The following NOS1 variants were observed in gnomAD, a reference collection of about 807,000 sequenced individuals.
NOS1 encodes the protein nitric oxide synthase 1.
Under a neutral mutation model 164.5 loss-of-function variants are expected in NOS1, and 51 were observed. That is an observed-to-expected ratio of 0.31 (90% CI 0.25 to 0.39). NOS1 has a LOEUF of 0.39. Among genes scored for constraint, NOS1 ranks in the 10% least tolerant of loss-of-function variants. The pLI is 1.00. For synonymous variants in NOS1, 719 were observed against 745.8 expected (o/e 0.96, Z 0.59); for missense variants, 1,362 against 1,885.6 (o/e 0.72, Z 5.14).
At chr12:117,224,449 C>T (rs1178313590) in intron 25 of NOS1, among the ~76,000 whole-genome samples, 1 of 152,094 alleles carries the variant, frequency 6.6e-6, no homozygotes. Flanking sequence ...CCACGCCGGG[C>T]TAAATTTTGT....
chr12:117,326,279 G>C (rs1033980373), intron 2 of NOS1, among the ~76,000 whole-genome samples: 1 of 151,956 alleles, frequency 6.6e-6, no homozygotes, highest in Admixed American at 6.6e-5. Flanking sequence ...CCAGCTACTC[G>C]GGAGGCTGAG....
chr12:117,282,935 T>A (rs979426184), intron 7 of NOS1, among the ~76,000 whole-genome samples: 1 of 151,984 alleles, frequency 6.6e-6, no homozygotes, highest in Non-Finnish European at 1.5e-5. Flanking sequence ...CATCTATACC[T>A]GTACTCTCCT....
chr12:117,306,851 C>A (rs1220619068), intron 3 of NOS1, among the ~76,000 whole-genome samples: 1 of 152,200 alleles, frequency 6.6e-6, no homozygotes, highest in African/African-American at 2.4e-5. Context: ...AACTCCTGAC[C>A]TCAGGGGATC....
At chr12:117,310,565 C>T (rs1356238791) in intron 3 of NOS1, among the ~76,000 whole-genome samples, 3 of 152,160 alleles carry the variant, frequency 2.0e-5, no homozygotes, top group Non-Finnish European at 4.4e-5. Flanking sequence ...ATTAATATTG[C>T]TTGATTCTGG....
At chr12:117,289,655 C>T (rs189340438) in intron 4 of NOS1, among the ~76,000 whole-genome samples, 1 of 152,150 alleles carries the variant, frequency 6.6e-6, no homozygotes, top group Non-Finnish European at 1.5e-5. Flanking sequence ...GGTGTTTGTC[C>T]TAATGAGGAG....
chr12:117,329,821 C>T (rs879124632), intron 2 of NOS1, among the ~76,000 whole-genome samples: 6 of 152,262 alleles, frequency 3.9e-5, no homozygotes, highest in Non-Finnish European at 7.4e-5. Context: ...CAGAATTTTA[C>T]GCATCCTGGA....
At position 117,208,882 on chromosome 12, in the gene NOS1, C is replaced by T. The variant is rs1047911752; in HGVS notation, c.*6427G>A. On this transcript the variant is annotated 3_prime_UTR_variant, in exon 29 of 29. Transcript: ENST00000317775. ...GGATTACAGATGCCCGCCACCACGCCGGGCTGATTTTTGTATTTTTAGTAG... is the reference window on the plus strand; with the variant it reads ...GGATTACAGATGCCCGCCACCACGCTGGGCTGATTTTTGTATTTTTAGTAG... 9 of 613,032 alleles carry T rather than the reference C, an allele frequency of 1.5e-5. No individual in the cohort carries two copies. The highest frequency in any genetic ancestry group is 1.3e-4 in the Admixed American group (2 of 15,814). 38.0% of individuals were successfully genotyped at this position (613,032 alleles called of 1,614,324 possible).
At chr12:117,217,911 T>G in intron 28 of NOS1, 135 bp downstream of exon 28, 1 of 703,690 alleles carries the variant, frequency 1.4e-6, no homozygotes, top group Non-Finnish European at 2.6e-6. Context: ...GAATTTGCAT[T>G]TTGAACACGT....
intron 22 of NOS1, among the ~76,000 whole-genome samples, chr12:117,228,512 C>T (rs1327200355): frequency 6.6e-6 from 1 of 152,102 alleles, no homozygotes; most frequent in Admixed American, 6.6e-5. Flanking sequence ...TGAGTGACAG[C>T]CCCAGAAAAA....
chr12:117,322,083 TCTC>T (rs1198479243), intron 2 of NOS1, among the ~76,000 whole-genome samples: 2 of 120,760 alleles, frequency 1.7e-5, no homozygotes, highest in South Asian at 3.4e-4. Context: ...CCTCCCTTTC[TCTC>T]TTCTTCCTTC....
chr12:117,280,904 G>A (rs1809266955), intron 7 of NOS1, 38 bp from the exon 8 acceptor site: 1 of 1,604,846 alleles, frequency 6.2e-7, no homozygotes, highest in African/African-American at 1.3e-5. Flanking sequence ...CATCAGGGCG[G>A]GACTTGCGCT....
chr12:117,277,177 T>C (rs1214931724), intron 9 of NOS1, among the ~76,000 whole-genome samples: 2 of 152,166 alleles, frequency 1.3e-5, no homozygotes, highest in Non-Finnish European at 2.9e-5. Context: ...TAAGCCATTG[T>C]AACTGAGGTG....
chr12:117,272,351 C>G lies in NOS1; in HGVS notation c.1839+34G>C. 1 of 1,612,922 alleles carries G rather than the reference C, an allele frequency of 6.2e-7. No individual in the cohort carries two copies. The highest frequency in any genetic ancestry group is 1.7e-4 in the Middle Eastern group (1 of 6,058). Reference sequence around the variant, plus strand: ...CTGAGCTGGCACCCTCTGCTATGTGCTTTTCCCCTGTGGTGACCAGAGAGG... The same window carrying G: ...CTGAGCTGGCACCCTCTGCTATGTGGTTTTCCCCTGTGGTGACCAGAGAGG... On this transcript the variant is annotated intron_variant, in intron 10 of 28. Coordinates refer to ENST00000317775, the MANE Select transcript of NOS1 (RefSeq NM_000620.5). The surrounding 1 kb of genome is among the most constrained non-coding windows in gnomAD (Gnocchi z 4.3).
At chr12:117,293,168 G>A (rs993352702) in intron 3 of NOS1, among the ~76,000 whole-genome samples, 2 of 152,178 alleles carry the variant, frequency 1.3e-5, no homozygotes, top group African/African-American at 4.8e-5. Context: ...TTGGAGCCTG[G>A]GGAACAGGAG....
Position 117,208,862 on chromosome 12 carries a change from A to G in NOS1, c.*6447T>C. The G allele has an allele frequency of 1.6e-6, 1 of 619,380 alleles. No homozygotes were observed. Among genetic ancestry groups the G allele is most frequent in the South Asian group, 7.1e-5 (1 of 14,148 alleles). 38.4% of individuals were successfully genotyped at this position (619,380 alleles called of 1,614,324 possible). A position where few individuals can be genotyped will look rare whatever the true frequency, so the allele number is the denominator to read the frequency against. ...CTCAGCCTCCCGAGTAGATGGGATT[A>G]CAGATGCCCGCCACCACGCCGGGCT... On this transcript the variant is annotated 3_prime_UTR_variant, in exon 29 of 29. Coordinates refer to ENST00000317775, the MANE Select transcript of NOS1 (RefSeq NM_000620.5).
chr12:117,284,780 T>C (rs1592987806), intron 7 of NOS1, among the ~76,000 whole-genome samples: 1 of 152,256 alleles, frequency 6.6e-6, no homozygotes, highest in East Asian at 1.9e-4. Context: ...CTGGGCGTGG[T>C]GGCTCATGCC....
In NOS1 at chr12:117,306,264, C is replaced by A. The variant is rs964528561; in HGVS notation, c.852+5202G>T. 2.6e-5 allele frequency among the ~76,000 whole-genome samples: 4 copies of A among 152,246 alleles called. No individual in the cohort carries two copies. The East Asian group carries it at 5.8e-4, about 22-fold the overall frequency. On this transcript the variant is annotated intron_variant, in intron 3 of 28. Transcript: ENST00000317775. ...CACCTTGGAAGATTCAGTCTTACCCCCTTTCTCCAGCACCCTCAAAGTCCT... is the reference window on the plus strand; with the variant it reads ...CACCTTGGAAGATTCAGTCTTACCCACTTTCTCCAGCACCCTCAAAGTCCT...
At chr12:117,257,140 G>A (rs533122217) in intron 16 of NOS1, among the ~76,000 whole-genome samples, 2 of 152,156 alleles carry the variant, frequency 1.3e-5, no homozygotes, top group South Asian at 2.1e-4. Flanking sequence ...CTGGGGTGCC[G>A]TGGTATAATT....
chr12:117,275,569 G>A (rs938372444), intron 9 of NOS1, among the ~76,000 whole-genome samples: 2 of 152,162 alleles, frequency 1.3e-5, no homozygotes, highest in Non-Finnish European at 2.9e-5. Flanking sequence ...AAAGGAATAA[G>A]TTGTACTGTT....
Sources: gnomAD v4.1 joint callset for allele counts (sites outside exome capture counted in the v4.1 genomes callset) on GRCh38, gnomAD v4.1.1 for gene constraint, Gnocchi (gnomAD v3.1) non-coding constraint, MANE v1.5 for transcripts, NCBI Gene and HGNC (gene_info 2026-07-23, HGNC 2026-07-21) for gene names.